The following PCDHGA5 variants were observed in gnomAD, a reference collection of about 807,000 sequenced individuals.
PCDHGA5 encodes the protein protocadherin gamma-A5.
PCDHGA5 carries 36 observed loss-of-function variants against 56.7 expected under a neutral mutation model. That is an observed-to-expected ratio of 0.64 (90% CI 0.49 to 0.84). The LOEUF (loss-of-function observed/expected upper bound fraction) is 0.84, where lower values mean the gene tolerates loss of function less well. PCDHGA5 is among the 40% of genes least tolerant of loss of function. PCDHGA5 has a pLI of 0.00. For missense variants in PCDHGA5, 1,305 were observed against 1,201.5 expected (o/e 1.09, Z -1.27); for synonymous variants, 563 against 520.2 (o/e 1.08, Z -1.12).
At position 141,460,912 on chromosome 5, in the gene PCDHGA5, G is replaced by GTGTATATA. The variant is rs145509489; in HGVS notation, c.2422-33894_2422-33893insGTATATAT. ...TCGTGGCTGAGTAATATTCCATGGTGTATATATATATATGTGTGTGTGTAT... is the reference window on the plus strand; with the variant it reads ...TCGTGGCTGAGTAATATTCCATGGTGTGTATATATATATATATATATGTGTGTGTGTAT... On this transcript the variant is annotated intron_variant, in intron 1 of 3. Transcript: ENST00000518069. Among the ~76,000 whole-genome samples the GTGTATATA allele has an allele frequency of 5.0e-3, 740 of 149,316 alleles. 4 individuals are homozygous for GTGTATATA. The highest frequency in any genetic ancestry group is 0.015 in the African/African-American group (617 of 40,618).
At chr5:141,420,501 A>T in intron 1 of PCDHGA5, 1 of 469,392 alleles carries the variant, frequency 2.1e-6, no homozygotes, top group East Asian at 4.1e-5. Context: ...CTCCGGTGAC[A>T]TTTTTATGAA....
At chr5:141,429,875 A>G (rs959789833) in intron 1 of PCDHGA5, among the ~76,000 whole-genome samples, 3 of 152,322 alleles carry the variant, frequency 2.0e-5, no homozygotes, top group Middle Eastern at 6.8e-3. Context: ...ATTTTCTTTT[A>G]CTAAGTTTCC....
chr5:141,393,730 G>C lies in PCDHGA5; in HGVS notation c.2421+26979G>C, dbSNP rs546435108. On this transcript the variant is annotated intron_variant, in intron 1 of 3. Transcript: ENST00000518069. The stretch of plus-strand genomic sequence containing the variant: ...ACTGGGGAAATATCAATAGCAAAAA[G>C]TCTAGATTATGAAGAATGTTCATTT... 3 of 1,613,844 alleles carry C rather than the reference G, an allele frequency of 1.9e-6. No individual in the cohort carries two copies. In the South Asian group the frequency reaches 3.3e-5, roughly 18 times the overall value.
At chr5:141,468,024 T>C (rs1386255481) in intron 1 of PCDHGA5, among the ~76,000 whole-genome samples, 1 of 152,046 alleles carries the variant, frequency 6.6e-6, no homozygotes, top group African/African-American at 2.4e-5. Flanking sequence ...TGAAGTAAAA[T>C]ACTTCATTTA....
chr5:141,399,078 G>C (rs2093750242), intron 1 of PCDHGA5: 1 of 1,613,746 alleles, frequency 6.2e-7, no homozygotes, highest in African/African-American at 1.3e-5. Context: ...TTGTAGAAGG[G>C]AGGGATGGTG....
At chr5:141,400,242 G>A (rs757952126) in intron 1 of PCDHGA5, 14 of 1,613,894 alleles carry the variant, frequency 8.7e-6, no homozygotes, top group Middle Eastern at 1.6e-4. Context: ...CCGTGATTCT[G>A]GCCGTTGCCT....
intron 1 of PCDHGA5, among the ~76,000 whole-genome samples, chr5:141,454,900 C>T (rs1411402448): frequency 1.4e-5 from 2 of 145,486 alleles, no homozygotes; most frequent in African/African-American, 2.6e-5. Flanking sequence ...CACCGCCTCC[C>T]GGGTTCACGC....
At chr5:141,429,945 T>C (rs1443623730) in intron 1 of PCDHGA5, among the ~76,000 whole-genome samples, 1 of 152,222 alleles carries the variant, frequency 6.6e-6, no homozygotes, top group East Asian at 1.9e-4. Flanking sequence ...ACTTCCATTA[T>C]TTCCAGTCAA....
rs2099884060 is a variant in PCDHGA5 at position 141,512,057 on chromosome 5, A to T, written c.*884A>T. 1 of 152,768 alleles carries T rather than the reference A, an allele frequency of 6.5e-6. No individual in the cohort carries two copies. Among genetic ancestry groups the T allele is most frequent in the South Asian group, 2.1e-4 (1 of 4,832 alleles). 9.5% of individuals were successfully genotyped at this position (152,768 alleles called of 1,614,324 possible). ...GGCTCTGTATGTCCTCAGGGGACTG[A>T]CAACATCCTCCAGATTCCAGCCATA... is the stretch of plus-strand genomic sequence containing the variant. On this transcript the variant is annotated 3_prime_UTR_variant, in exon 4 of 4. Coordinates refer to ENST00000518069, the MANE Select transcript of PCDHGA5 (RefSeq NM_018918.3).
intron 1 of PCDHGA5, chr5:141,418,002 G>A: frequency 1.9e-6 from 3 of 1,613,916 alleles, no homozygotes; most frequent in Non-Finnish European, 2.5e-6. Flanking sequence ...TCGGTGGTGG[G>A]GAACCTCGCT....
intron 1 of PCDHGA5, chr5:141,441,337 T>A (rs980210130): frequency 6.6e-6 from 1 of 152,112 alleles, no homozygotes; most frequent in African/African-American, 2.4e-5. Flanking sequence ...CTCCAATAAT[T>A]AACTACATGC....
chr5:141,474,417 C>A (rs1321402346), intron 1 of PCDHGA5, among the ~76,000 whole-genome samples: 1 of 152,222 alleles, frequency 6.6e-6, no homozygotes, highest in African/African-American at 2.4e-5. Context: ...GATGCCTAGA[C>A]CATTGGTCCT....
chr5:141,426,418 T>C (rs1445827088), intron 1 of PCDHGA5: 2 of 288,504 alleles, frequency 6.9e-6, no homozygotes, highest in Non-Finnish European at 1.4e-5. Flanking sequence ...GGTCCAGGGC[T>C]CCGTGGTGGG....
intron 1 of PCDHGA5, among the ~76,000 whole-genome samples, chr5:141,464,022 TG>T (rs948245337): frequency 1.3e-5 from 2 of 151,716 alleles, no homozygotes; most frequent in African/African-American, 4.8e-5. Context: ...TCCCACACTT[TG>T]GGAGGCCAAG....
intron 1 of PCDHGA5, among the ~76,000 whole-genome samples, chr5:141,473,422 A>C (rs2154571673): frequency 6.6e-6 from 1 of 152,332 alleles, no homozygotes; most frequent in African/African-American, 2.4e-5. Context: ...TGGGGGAAGC[A>C]GATACTTTGC....
At position 141,364,481 on chromosome 5, in the gene PCDHGA5, G is replaced by A; in HGVS notation, c.151G>A (p.Asp51Asn). ...KGSFVGNIAK[D>N]LGLEPQELAE... The stretch of plus-strand genomic sequence containing the variant: ...CTCCTTCGTCGGCAACATAGCCAAG[G>A]ACCTTGGGCTGGAGCCCCAGGAGCT... The change falls in exon 1 of 4, where the codon GAC becomes AAC. Residue 51 changes from aspartate (D) to asparagine (N), a missense_variant. Coordinates refer to ENST00000518069, the MANE Select transcript of PCDHGA5 (RefSeq NM_018918.3). 1.2e-6 allele frequency: 2 copies of A among 1,614,028 alleles called. No individual in the cohort carries two copies. The highest frequency in any genetic ancestry group is 1.7e-6 in the Non-Finnish European group (2 of 1,179,900).
At chr5:141,388,764 T>A in intron 1 of PCDHGA5, 1 of 1,613,990 alleles carries the variant, frequency 6.2e-7, no homozygotes. Flanking sequence ...TGACCTGAAC[T>A]CTAACACCGG....
chr5:141,418,504 A>T (rs761133198), intron 1 of PCDHGA5: 32 of 1,613,904 alleles, frequency 2.0e-5, no homozygotes, highest in Non-Finnish European at 2.7e-5. Context: ...TGACCGCCTT[A>T]GATGGTGGGG....
intron 1 of PCDHGA5, chr5:141,392,819 C>T (rs1346235587): frequency 1.4e-5 from 22 of 1,590,378 alleles, no homozygotes; most frequent in Non-Finnish European, 8.6e-6. Flanking sequence ...CAACAATGGC[C>T]GCTCCACAGA....
Sources: allele counts gnomAD v4.1 joint callset (sites outside exome capture counted in the v4.1 genomes callset), GRCh38; gene constraint gnomAD v4.1.1; transcripts MANE v1.5; gene names NCBI Gene and HGNC (gene_info 2026-07-23, HGNC 2026-07-21).